Variants in RYR2 observed in about 807,000 individuals in gnomAD.
RYR2 encodes the protein cardiac muscle ryanodine receptor-calcium release channel.
Under a neutral mutation model 601.1 loss-of-function variants are expected in RYR2, and 227 were observed. That is an observed-to-expected ratio of 0.38 (90% confidence interval 0.34 to 0.42). The LOEUF (loss-of-function observed/expected upper bound fraction) is 0.42. Among genes scored for constraint, RYR2 ranks in the 10% least tolerant of loss-of-function variants. The pLI is 1.00. For missense variants in RYR2, 4,646 were observed against 6,156.5 expected (o/e 0.75, Z 8.21); for synonymous variants, 2,223 against 2,175.1 (o/e 1.02, Z -0.61).
chr1:237,083,138 A>G (rs139435871), intron 1 of RYR2, among the ~76,000 whole-genome samples: 1 of 152,254 alleles, frequency 6.6e-6, no homozygotes, highest in East Asian at 1.9e-4. Flanking sequence ...ACCCTTTTCA[A>G]CATTCATTTA....
intron 91 of RYR2, among the ~76,000 whole-genome samples, chr1:237,787,530 T>A (rs1468741593): frequency 6.8e-6 from 1 of 147,584 alleles, no homozygotes; most frequent in Non-Finnish European, 1.5e-5. Flanking sequence ...AGCTGGAGGT[T>A]GCAGTGAGCT....
chr1:237,533,611 A>T (rs919063148), intron 25 of RYR2, among the ~76,000 whole-genome samples: 3 of 152,200 alleles, frequency 2.0e-5, no homozygotes, highest in African/African-American at 7.2e-5. Flanking sequence ...CTAAAAAATA[A>T]TAAGGGTGTA....
chr1:237,831,967 G>A (rs1164208154), intron 104 of RYR2, among the ~76,000 whole-genome samples: 1 of 152,094 alleles, frequency 6.6e-6, no homozygotes, highest in Non-Finnish European at 1.5e-5. Flanking sequence ...CTTCCACTGT[G>A]CAGATTGTTA....
Position 237,506,640 on chromosome 1 carries a change from T to C in RYR2, c.2614-70T>C, listed in dbSNP as rs927143010. The C allele has an allele frequency of 5.9e-6, 6 of 1,025,532 alleles. No homozygotes were observed. In the African/African-American group the frequency reaches 9.7e-5, roughly 17 times the overall value. 63.5% of individuals were successfully genotyped at this position (1,025,532 alleles called of 1,614,324 possible). A position where few individuals can be genotyped will look rare whatever the true frequency, so the allele number is the denominator to read the frequency against. ...CAGTTTTATTTAGTTCAATTTGCAGTGAAGACTGTTGGCACTGCATCTTAT... is the reference window on the plus strand; with the variant it reads ...CAGTTTTATTTAGTTCAATTTGCAGCGAAGACTGTTGGCACTGCATCTTAT... On this transcript the variant is annotated intron_variant, in intron 22 of 104. Coordinates refer to ENST00000366574, the MANE Select transcript of RYR2 (RefSeq NM_001035.3).
At chr1:237,446,279 A>G (rs1219587002) in intron 14 of RYR2, among the ~76,000 whole-genome samples, 3 of 152,214 alleles carry the variant, frequency 2.0e-5, no homozygotes, top group Non-Finnish European at 4.4e-5. Flanking sequence ...CATTATACCA[A>G]CATATGCTCT....
At chr1:237,476,727 C>T (rs1457918612) in intron 17 of RYR2, among the ~76,000 whole-genome samples, 1 of 152,044 alleles carries the variant, frequency 6.6e-6, no homozygotes, top group Non-Finnish European at 1.5e-5. Flanking sequence ...GTGCCATAAT[C>T]TTGTGTAGCA....
At chr1:237,366,262 C>G (rs759000729) in intron 5 of RYR2, among the ~76,000 whole-genome samples, 1 of 152,160 alleles carries the variant, frequency 6.6e-6, no homozygotes, top group Non-Finnish European at 1.5e-5. Context: ...ATGAAGACAC[C>G]ATCCCAAGTA....
At chr1:237,315,172 G>A (rs142275236) in intron 2 of RYR2, among the ~76,000 whole-genome samples, 133 of 152,082 alleles carry the variant, frequency 8.7e-4, no homozygotes, top group Middle Eastern at 6.8e-3. Context: ...GTCCTTTGTC[G>A]AATTTCTAAG....
At chr1:237,623,680 C>G (rs780493591) in intron 38 of RYR2, 85 bp from the exon 39 acceptor site, 46 of 824,412 alleles carry the variant, frequency 5.6e-5, no homozygotes, top group Middle Eastern at 2.4e-4. Flanking sequence ...GCATGAGCCA[C>G]TCCGCCCGGC....
At position 237,654,214 on chromosome 1, in the gene RYR2, GA is replaced by G. The variant is rs3831940; in HGVS notation, c.7825-51del. On this transcript the variant is annotated intron_variant, in intron 51 of 104. Coordinates refer to ENST00000366574, the MANE Select transcript of RYR2 (RefSeq NM_001035.3). ...ATTAGAGTGTGATATGAGGAGAAAT[GA>G]AAAAAAAATATAAAAGGTTTTGATA... 435,834 of 1,564,386 alleles carry G rather than the reference GA, an allele frequency of 0.28. 66,735 individuals are homozygous for G. Among genetic ancestry groups the G allele is most frequent in the African/African-American group, 0.56 (40,499 of 72,774 alleles).
chr1:237,453,456 TG>T (rs1428152045), intron 14 of RYR2, among the ~76,000 whole-genome samples: 1 of 152,130 alleles, frequency 6.6e-6, no homozygotes, highest in East Asian at 1.9e-4. Flanking sequence ...TGTTTTGTAA[TG>T]TAAGTTCCAG....
rs149331098 is a variant in RYR2, at chr1:237,107,292, C to T, written c.48+64723C>T. ...CATTGTAGGTTCTGGGAGGCTGAGGCGGGCGGATCACGAGGTCAGGAGATC... is the reference window on the plus strand; with the variant it reads ...CATTGTAGGTTCTGGGAGGCTGAGGTGGGCGGATCACGAGGTCAGGAGATC... On this transcript the variant is annotated intron_variant, in intron 1 of 104. Coordinates refer to ENST00000366574, the MANE Select transcript of RYR2 (RefSeq NM_001035.3). Among the ~76,000 whole-genome samples the T allele has an allele frequency of 1.3e-3, 198 of 151,606 alleles. 1 individual carries two copies. Among genetic ancestry groups the T allele is most frequent in the Non-Finnish European group, 2.1e-3 (144 of 67,860 alleles).
At chr1:237,306,210 A>G (rs529984948) in intron 2 of RYR2, among the ~76,000 whole-genome samples, 1 of 152,324 alleles carries the variant, frequency 6.6e-6, no homozygotes, top group Middle Eastern at 3.4e-3. Context: ...ATAATTTTCT[A>G]TCTGTTTACC....
chr1:237,591,047 A>T (rs1675100685), intron 31 of RYR2, 55 bp downstream of exon 31: 2 of 1,479,490 alleles, frequency 1.4e-6, no homozygotes, highest in Admixed American at 4.2e-5. Flanking sequence ...GGAAGGTTAC[A>T]GTCCAGAGTA....
chr1:237,303,292 CTTT>C (rs386370109), intron 2 of RYR2, among the ~76,000 whole-genome samples: 2,927 of 84,872 alleles, frequency 0.034, 27 homozygotes, highest in African/African-American at 0.12. Context: ...CTGCGGTTAT[CTTT>C]TTTTTTTTTT....
chr1:237,380,849 G>A (rs989057299), intron 8 of RYR2, among the ~76,000 whole-genome samples: 17 of 151,880 alleles, frequency 1.1e-4, no homozygotes, highest in African/African-American at 2.9e-4. Context: ...AGGCCGAGGC[G>A]GGTGGATTAC....
At chr1:237,732,564 A>G (rs2149170322) in intron 78 of RYR2, among the ~76,000 whole-genome samples, 1 of 152,298 alleles carries the variant, frequency 6.6e-6, no homozygotes, top group East Asian at 1.9e-4. Flanking sequence ...GGAAACCTCT[A>G]GAGGCTAAGT....
intron 54 of RYR2, 37 bp from the exon 55 acceptor site, chr1:237,659,948 C>A (rs761843858): frequency 8.1e-6 from 11 of 1,365,540 alleles, no homozygotes; most frequent in Non-Finnish European, 1.0e-5. Flanking sequence ...AAAATTAACA[C>A]GTGTAAAACA....
intron 1 of RYR2, among the ~76,000 whole-genome samples, chr1:237,194,514 C>T (rs1291295860): frequency 6.6e-6 from 1 of 152,068 alleles, no homozygotes; most frequent in Non-Finnish European, 1.5e-5. Context: ...GTGGCCGAGA[C>T]AGGAAGGGAT....
Sources: gnomAD v4.1 joint callset for allele counts (sites outside exome capture counted in the v4.1 genomes callset) on GRCh38, gnomAD v4.1.1 for gene constraint, MANE v1.5 for transcripts, NCBI Gene and HGNC (gene_info 2026-07-23, HGNC 2026-07-21) for gene names.